The following SCN9A variants were observed in gnomAD, a reference collection of about 807,000 sequenced individuals.
The protein encoded by SCN9A is sodium voltage-gated channel alpha subunit 9, also known as sodium channel protein type 9 subunit alpha.
SCN9A carries 131 observed loss-of-function variants against 187.0 expected under a neutral mutation model. The ratio of observed to expected loss-of-function variants is 0.70; its 90% CI spans 0.61 to 0.81. The LOEUF is 0.81. Among genes scored for constraint, SCN9A ranks in the 30% least tolerant of loss-of-function variants. SCN9A has a pLI of 0.00. For missense variants in SCN9A, 2,252 were observed against 2,396.6 expected, an observed-to-expected ratio of 0.94 and a Z score of 1.26; for synonymous variants, 809 against 808.6, an observed-to-expected ratio of 1.00 and a Z score of -0.01.
At chr2:166,253,449 A>G (rs921174852) in intron 17 of SCN9A, among the ~76,000 whole-genome samples, 1 of 151,872 alleles carries the variant, frequency 6.6e-6, no homozygotes, top group Non-Finnish European at 1.5e-5. Flanking sequence ...TTAAAATAAG[A>G]TAATAGAAAT....
intron 24 of SCN9A, among the ~76,000 whole-genome samples, chr2:166,217,477 T>C (rs1172477562): frequency 6.6e-6 from 1 of 151,798 alleles, no homozygotes; most frequent in African/African-American, 2.4e-5. Flanking sequence ...AGGGCTAATA[T>C]CCAACATTAT....
intron 18 of SCN9A, among the ~76,000 whole-genome samples, chr2:166,247,927 C>T (rs4564792): frequency 6.6e-6 from 1 of 151,874 alleles, no homozygotes; most frequent in East Asian, 1.9e-4. Flanking sequence ...GCAAGATATA[C>T]GGAAGCAGTC....
At chr2:166,254,650 A>G (rs938485628) in intron 17 of SCN9A, among the ~76,000 whole-genome samples, 4 of 151,502 alleles carry the variant, frequency 2.6e-5, no homozygotes, top group African/African-American at 7.2e-5. Context: ...TTTAAACTCA[A>G]TCATCTGTTG....
intron 1 of SCN9A, among the ~76,000 whole-genome samples, chr2:166,338,595 T>C (rs1344316775): frequency 6.6e-6 from 1 of 152,188 alleles, no homozygotes; most frequent in Admixed American, 6.5e-5. Context: ...TATATAACCA[T>C]AGTAATCAAG....
Position 166,198,233 on chromosome 2 carries a change from G to A in SCN9A, c.*439C>T, listed in dbSNP as rs1488680520. 2 of 159,310 alleles carry A rather than the reference G, an allele frequency of 1.3e-5. No homozygotes were observed. The highest frequency in any genetic ancestry group is 3.5e-4 in the South Asian group (2 of 5,702). The allele number at this position is 159,310 out of a possible 1,614,324, so 9.9% of individuals were successfully genotyped here. ...AACTAATGTCCATTACTTCTATCAA[G>A]CATTTCATTGCAAAGCCAAGGCAAA... On this transcript the variant is annotated 3_prime_UTR_variant, in exon 27 of 27. Coordinates refer to ENST00000642356, the MANE Select transcript of SCN9A (RefSeq NM_001365536.1).
At chr2:166,353,933 G>A (rs956706124) in intron 1 of SCN9A, among the ~76,000 whole-genome samples, 1 of 152,156 alleles carries the variant, frequency 6.6e-6, no homozygotes, top group African/African-American at 2.4e-5. Flanking sequence ...TTAAATGCTT[G>A]ATGAATGAAG....
chr2:166,202,173 GT>G (rs941437141), intron 26 of SCN9A, among the ~76,000 whole-genome samples: 2 of 146,598 alleles, frequency 1.4e-5, no homozygotes, highest in South Asian at 2.1e-4. Flanking sequence ...AGAATATTTT[GT>G]TTTTTTGTGC....
chr2:166,360,106 A>T (rs944814100), intron 1 of SCN9A, among the ~76,000 whole-genome samples: 1 of 151,154 alleles, frequency 6.6e-6, no homozygotes, highest in Non-Finnish European at 1.5e-5. Flanking sequence ...CTGTAATCCC[A>T]GCTACTCAGG....
rs1198494542 is a variant in SCN9A, at chr2:166,272,266, T to C, written c.3351+133A>G. The C allele has an allele frequency of 3.6e-5, 21 of 577,762 alleles. No individual in the cohort carries two copies. The Middle Eastern group carries it at 1.9e-3, about 52-fold the overall frequency. The allele number at this position is 577,762 out of a possible 1,614,324, so 35.8% of individuals were successfully genotyped here. On this transcript the variant is annotated intron_variant, in intron 17 of 26. Coordinates refer to ENST00000642356, the MANE Select transcript of SCN9A (RefSeq NM_001365536.1). ...GATGAATCTTCAGGAAGCTGTTGTG[T>C]AAAGTCACGCACAAAAACTATCCAT...
intron 1 of SCN9A, among the ~76,000 whole-genome samples, chr2:166,347,888 AG>A (rs1699940185): frequency 6.6e-6 from 1 of 152,176 alleles, no homozygotes; most frequent in Non-Finnish European, 1.5e-5. Flanking sequence ...GAAGAGACAA[AG>A]GAGGATAAAT....
chr2:166,213,459 CAAT>C (rs75970260), intron 24 of SCN9A, among the ~76,000 whole-genome samples: 1,524 of 140,924 alleles, frequency 0.011, 16 homozygotes, highest in Middle Eastern at 0.019. Context: ...CAAATTGAAC[CAAT>C]AATAATAATA....
At chr2:166,278,891 G>C (rs1697355194) in intron 14 of SCN9A, among the ~76,000 whole-genome samples, 1 of 152,128 alleles carries the variant, frequency 6.6e-6, no homozygotes, top group Admixed American at 6.6e-5. Flanking sequence ...GGTATCAAAG[G>C]ACTCACTTAA....
intron 21 of SCN9A, among the ~76,000 whole-genome samples, chr2:166,229,255 GATAAT>G (rs911992948): frequency 2.0e-5 from 3 of 151,136 alleles, no homozygotes; most frequent in African/African-American, 7.3e-5. Flanking sequence ...AAATAACTAA[GATAAT>G]ATAATAGCTT....
intron 10 of SCN9A, 23 bp downstream of exon 10, chr2:166,288,414 A>T: frequency 6.3e-7 from 1 of 1,582,912 alleles, no homozygotes; most frequent in Non-Finnish European, 8.6e-7. Context: ...CTCTAGGAAG[A>T]ATTTTAAATC....
rs1574691835 is a variant in SCN9A at position 166,199,193 on chromosome 2, C to T, written c.5446G>A (p.Ala1816Thr). Residue 1816 changes from alanine to threonine, a missense_variant, in exon 27 of 27, where the codon GCA (alanine) becomes ACA (threonine). By Grantham distance (58) the Ala-to-Thr change is moderately conservative. Transcript: ENST00000642356. ...AAALDPPLLI[A>T]KPNKVQLIAM... ...ATGAGCTGGACTTTGTTGGGTTTTG[C>T]TATGAGAAGAGGAGGATCCAGGGCA... The T allele has an allele frequency of 6.2e-7, 1 of 1,614,120 alleles. No individual in the cohort carries two copies.
intron 17 of SCN9A, among the ~76,000 whole-genome samples, chr2:166,256,909 T>G (rs2106435071): frequency 6.6e-6 from 1 of 151,650 alleles, no homozygotes; most frequent in African/African-American, 2.4e-5. Flanking sequence ...ACATGAAAAC[T>G]TACGTGACTA....
In SCN9A at chr2:166,303,316, A is replaced by G; in HGVS notation, c.689-14T>C. On this transcript the variant is annotated splice_polypyrimidine_tract_variant and intron_variant, in intron 6 of 26. Transcript: ENST00000642356. ...TTGTCTTCAGGCCTGAAAATGGGAG[A>G]AAAAAGTGTTTGTAATGACATAAAG... 6.2e-7 allele frequency: 1 copy of G among 1,604,774 alleles called. No individual in the cohort carries two copies. Among genetic ancestry groups the G allele is most frequent in the Non-Finnish European group, 8.5e-7 (1 of 1,175,048 alleles).
chr2:166,254,576 A>G (rs1302346046), intron 17 of SCN9A, among the ~76,000 whole-genome samples: 1 of 151,432 alleles, frequency 6.6e-6, no homozygotes, highest in East Asian at 1.9e-4. Context: ...TTTACTATAC[A>G]AGGAAGATCA....
rs1306093245 is a variant in SCN9A, at chr2:166,196,719, T to A, written c.*1953A>T. 6.6e-6 allele frequency: 1 copy of A among 152,064 alleles called. No homozygotes were observed. Among genetic ancestry groups the A allele is most frequent in the African/African-American group, 2.4e-5 (1 of 41,448 alleles). The allele number at this position is 152,064 out of a possible 1,614,324, so 9.4% of individuals were successfully genotyped here. The stretch of plus-strand genomic sequence containing the variant: ...TATCAAAACCTATTTCCAACAGGCT[T>A]GGTAGGTATGTGATAAAATGATCTA... On this transcript the variant is annotated 3_prime_UTR_variant, in exon 27 of 27. Coordinates refer to ENST00000642356, the MANE Select transcript of SCN9A (RefSeq NM_001365536.1).
Sources: allele counts gnomAD v4.1 joint callset (sites outside exome capture counted in the v4.1 genomes callset), GRCh38; gene constraint gnomAD v4.1.1; transcripts MANE v1.5; gene names NCBI Gene and HGNC (gene_info 2026-07-23, HGNC 2026-07-21).